SGSM3: variants seen among roughly 807,000 people sequenced by gnomAD.
The protein encoded by SGSM3 is RUN and SH3 containing 3.
SGSM3 carries 96 observed loss-of-function variants against 100.5 expected under a neutral mutation model. That is an observed-to-expected ratio of 0.96 (90% CI 0.81 to 1.13). The LOEUF is 1.13. SGSM3 is among the 50% of genes most tolerant of loss of function. The pLI, the probability that SGSM3 is intolerant of heterozygous loss-of-function variation, is 0.00. For missense variants in SGSM3, 1,001 were observed against 1,015.8 expected (o/e 0.99, Z 0.20); for synonymous variants, 483 against 422.8 (o/e 1.14, Z -1.75).
At chr22:40,389,104 AGAG>A (rs1446508323) in intron 1 of SGSM3, among the ~76,000 whole-genome samples, 1 of 152,160 alleles carries the variant, frequency 6.6e-6, no homozygotes, top group African/African-American at 2.4e-5. Flanking sequence ...GCAGAGAGCT[AGAG>A]GAGAGTCGAA....
Position 40,404,474 on chromosome 22 carries a change from C to A in SGSM3, c.366+19C>A. 6.2e-7 allele frequency: 1 copy of A among 1,608,540 alleles called. No individual in the cohort carries two copies. Among genetic ancestry groups the A allele is most frequent in the Non-Finnish European group, 8.5e-7 (1 of 1,176,726 alleles). On this transcript the variant is annotated intron_variant, in intron 5 of 21. Transcript: ENST00000248929. ...GCCACAGGTAAGGTGGCCACAGGGA[C>A]CCACAGGGTGTTGAGAGGGTCCTGG...
intron 1 of SGSM3, among the ~76,000 whole-genome samples, chr22:40,395,558 G>A (rs1229542907): frequency 6.6e-6 from 1 of 152,088 alleles, no homozygotes; most frequent in Non-Finnish European, 1.5e-5. Flanking sequence ...CTGACCTCAG[G>A]TGATCTGCCC....
chr22:40,404,765 G>A, intron 6 of SGSM3, 101 bp downstream of exon 6: 1 of 822,202 alleles, frequency 1.2e-6, no homozygotes, highest in South Asian at 1.5e-5. Context: ...TTGTTGTGGG[G>A]TAGGGGAGGA....
At chr22:40,388,642 G>A (rs2146868111) in intron 1 of SGSM3, among the ~76,000 whole-genome samples, 1 of 152,186 alleles carries the variant, frequency 6.6e-6, no homozygotes, top group East Asian at 1.9e-4. Flanking sequence ...AGAGTGGTTG[G>A]AGGGAGGGGC....
Position 40,404,436 on chromosome 22 carries a change from C to T in SGSM3, c.347C>T (p.Pro116Leu), listed in dbSNP as rs774935930. ...CGCTCCCTGGTGCTGGCCGGCATCC[C>T]ACATGGCATGAGGCCACAGGTAAGG... ...KLRSLVLAGI[P>L]HGMRPQLWMR... The change falls in exon 5 of 22, where the codon CCA becomes CTA. Residue 116 changes from proline (P) to leucine (L), a missense_variant. By Grantham distance (98) the Pro-to-Leu change is moderately conservative (BLOSUM62 -3). Coordinates refer to ENST00000248929, the MANE Select transcript of SGSM3 (RefSeq NM_015705.6). 1 of 1,604,826 alleles carries T rather than the reference C, an allele frequency of 6.2e-7. No homozygotes were observed. The highest frequency in any genetic ancestry group is 1.7e-5 in the Admixed American group (1 of 59,232).
chr22:40,395,010 C>T (rs73167021), intron 1 of SGSM3, among the ~76,000 whole-genome samples: 6 of 152,314 alleles, frequency 3.9e-5, no homozygotes, highest in South Asian at 4.1e-4. Flanking sequence ...AATATTGTTA[C>T]AAGTACTACA....
chr22:40,409,671 CCT>C lies in SGSM3; in HGVS notation c.2173-10_2173-9del. On this transcript the variant is annotated splice_polypyrimidine_tract_variant and intron_variant, in intron 21 of 21. Coordinates refer to ENST00000248929, the MANE Select transcript of SGSM3 (RefSeq NM_015705.6). ...CAAGGCCTGTGAGGTGAGGGGCTGCCCTGTTTGCAGGCGCAGCAGCCCCTGAA... is the reference window on the plus strand; with the variant it reads ...CAAGGCCTGTGAGGTGAGGGGCTGCCGTTTGCAGGCGCAGCAGCCCCTGAA... The C allele has an allele frequency of 2.5e-6, 4 of 1,613,320 alleles. No homozygotes were observed. Among genetic ancestry groups the C allele is most frequent in the Non-Finnish European group, 3.4e-6 (4 of 1,179,676 alleles).
intron 4 of SGSM3, among the ~76,000 whole-genome samples, chr22:40,403,301 G>A (rs565261022): frequency 1.3e-5 from 2 of 152,330 alleles, no homozygotes; most frequent in Non-Finnish European, 2.9e-5. Context: ...TGTCTGTGGA[G>A]CTCACCCAGG....
rs147186747 is a variant in SGSM3, at chr22:40,387,397, A to G, written c.-111-13299A>G. The G allele has an allele frequency of 4.4e-3, 1,695 of 388,266 alleles. 6 individuals carry two copies. Among genetic ancestry groups the G allele is most frequent in the Non-Finnish European group, 6.5e-3 (1,441 of 220,224 alleles). The allele number at this position is 388,266 out of a possible 1,614,324, so 24.1% of individuals were successfully genotyped here. ...TATAGATGGTAATGGCAAATAAATGATGTAAAGATGAGATAGTTTGTTGAC... is the reference window on the plus strand; with the variant it reads ...TATAGATGGTAATGGCAAATAAATGGTGTAAAGATGAGATAGTTTGTTGAC... On this transcript the variant is annotated intron_variant, in intron 1 of 21. Coordinates refer to ENST00000248929, the MANE Select transcript of SGSM3 (RefSeq NM_015705.6).
chr22:40,405,374 C>G, intron 7 of SGSM3, 90 bp downstream of exon 7: 4 of 1,254,790 alleles, frequency 3.2e-6, no homozygotes, highest in Non-Finnish European at 4.2e-6. Flanking sequence ...GGGCAGTAGC[C>G]CCAGGGCCTC....
In SGSM3 at chr22:40,409,921, G is replaced by C. The variant is rs2052370378; in HGVS notation, c.*162G>C. 7.1e-7 allele frequency: 1 copy of C among 1,411,042 alleles called. No homozygotes were observed. Among genetic ancestry groups the C allele is most frequent in the Non-Finnish European group, 9.2e-7 (1 of 1,088,808 alleles). 87.4% of individuals were successfully genotyped at this position (1,411,042 alleles called of 1,614,324 possible). ...TTCCCCAGCACATCCCAGGTGGTGG[G>C]AGCAGAGGGTACCCTGCCCCACCAG... On this transcript the variant is annotated 3_prime_UTR_variant, in exon 22 of 22. Transcript: ENST00000248929.
At chr22:40,406,973 C>T (rs759029841) in intron 10 of SGSM3, 44 bp from the exon 11 acceptor site, 5 of 1,547,956 alleles carry the variant, frequency 3.2e-6, no homozygotes, top group South Asian at 1.2e-5. Context: ...GGGTTCTCTT[C>T]CTCCCGGGGC....
At chr22:40,381,157 C>CT (rs950258395) in intron 1 of SGSM3, among the ~76,000 whole-genome samples, 11 of 149,926 alleles carry the variant, frequency 7.3e-5, no homozygotes, top group Non-Finnish European at 1.2e-4. Context: ...TTTTCTTTTT[C>CT]TTTTTTTTGA....
chr22:40,405,604 C>A, intron 7 of SGSM3, 45 bp from the exon 8 acceptor site: 1 of 1,564,772 alleles, frequency 6.4e-7, no homozygotes, highest in Non-Finnish European at 8.7e-7. Flanking sequence ...TTCTAATCTG[C>A]ACAAAGACCT....
rs1260065899 is a variant in SGSM3 at position 40,398,266 on chromosome 22, C to CAAGATGTCTTTACT, written c.-111-2430_-111-2429insAAGATGTCTTTACT. Among the ~76,000 whole-genome samples the CAAGATGTCTTTACT allele has an allele frequency of 1.1e-3, 157 of 142,266 alleles. 1 individual carries two copies. The highest frequency in any genetic ancestry group is 1.6e-3 in the Admixed American group (20 of 12,370). The allele number at this position is 142,266 out of a possible 152,430, so 93.3% of individuals were successfully genotyped here. A position where few individuals can be genotyped will look rare whatever the true frequency, so the allele number is the denominator to read the frequency against. On this transcript the variant is annotated intron_variant, in intron 1 of 21. Transcript: ENST00000248929. ...ACAGGCGTGAGCCACCGGGCCCAGC[C>CAAGATGTCTTTACT]TGTCATCTGATTCTCTAATGTAAGG...
chr22:40,395,361 G>A (rs1005767879), intron 1 of SGSM3, among the ~76,000 whole-genome samples: 65 of 146,622 alleles, frequency 4.4e-4, no homozygotes, highest in African/African-American at 1.5e-3. Context: ...TCACTCTGTC[G>A]CCCAGGCTGG....
chr22:40,387,237 C>T (rs976470694), intron 1 of SGSM3: 4 of 398,352 alleles, frequency 1.0e-5, no homozygotes, highest in African/African-American at 4.1e-5. Context: ...CTGATACCTC[C>T]GTCTACTCAC....
chr22:40,389,233 C>T (rs1781329565), intron 1 of SGSM3, among the ~76,000 whole-genome samples: 1 of 152,080 alleles, frequency 6.6e-6, no homozygotes, highest in Non-Finnish European at 1.5e-5. Context: ...ACATAGACAC[C>T]CAGAGAGACT....
chr22:40,402,955 C>A (rs1270342244), intron 4 of SGSM3, among the ~76,000 whole-genome samples: 1 of 152,186 alleles, frequency 6.6e-6, no homozygotes, highest in Admixed American at 6.5e-5. Flanking sequence ...AACTAATCAC[C>A]TTCAGGTCAC....
Sources: allele counts gnomAD v4.1 joint callset (sites outside exome capture counted in the v4.1 genomes callset), GRCh38; gene constraint gnomAD v4.1.1; transcripts MANE v1.5; gene names NCBI Gene and HGNC (gene_info 2026-07-23, HGNC 2026-07-21).